Variants in RPS6KA3 observed in about 807,000 individuals in gnomAD.
RPS6KA3 encodes ribosomal protein S6 kinase alpha-3.
Under a neutral mutation model 67.2 loss-of-function variants are expected in RPS6KA3, and 4 were observed. The observed-to-expected ratio is 0.06, with a 90% CI of 0.03 to 0.14. The LOEUF is 0.14. Among genes scored for constraint, RPS6KA3 ranks in the 10% least tolerant of loss-of-function variants. RPS6KA3 has a pLI of 1.00. For synonymous variants in RPS6KA3, 182 were observed against 183.7 expected (o/e 0.99, Z 0.07); for missense variants, 204 against 559.0 (o/e 0.36, Z 6.40).
intron 1 of RPS6KA3, among the ~76,000 whole-genome samples, chrX:20,251,294 G>C (rs1285147747): frequency 8.9e-6 from 1 of 111,925 alleles, no homozygotes; most frequent in East Asian, 2.8e-4. Context: ...ACCATGCCTG[G>C]CTATTTATTT....
intron 15 of RPS6KA3, among the ~76,000 whole-genome samples, chrX:20,172,451 C>G (rs2067596349): frequency 9.0e-6 from 1 of 111,133 alleles, no homozygotes. Flanking sequence ...ACACCCTGAG[C>G]ATAAAATGGG....
chrX:20,222,400 C>T (rs1432038630), intron 2 of RPS6KA3, among the ~76,000 whole-genome samples: 1 of 111,908 alleles, frequency 8.9e-6, no homozygotes, highest in Non-Finnish European at 1.9e-5. Flanking sequence ...GACATTATTA[C>T]CTATCTCAAA....
intron 1 of RPS6KA3, among the ~76,000 whole-genome samples, chrX:20,244,075 A>C (rs943878491): frequency 8.9e-6 from 1 of 112,078 alleles, no homozygotes; most frequent in East Asian, 2.8e-4. Flanking sequence ...TAGCATAATA[A>C]ATAAGGACAA....
At chrX:20,241,583 A>G (rs1160734663) in intron 1 of RPS6KA3, 1 of 110,336 alleles carries the variant, frequency 9.1e-6, no homozygotes, top group East Asian at 2.8e-4. Flanking sequence ...CAGTTCTGAA[A>G]AAAAAATACC....
intron 1 of RPS6KA3, among the ~76,000 whole-genome samples, chrX:20,238,856 T>C (rs1196335191): frequency 9.0e-6 from 1 of 111,476 alleles, no homozygotes; most frequent in Non-Finnish European, 1.9e-5. Context: ...ATTCAAATGT[T>C]ATCTATTAGA....
chrX:20,239,238 C>T (rs1030016071), intron 1 of RPS6KA3, among the ~76,000 whole-genome samples: 12 of 110,883 alleles, frequency 1.1e-4, no homozygotes, highest in African/African-American at 3.9e-4. Context: ...AAGAGACAGT[C>T]TATGTTCAGT....
intron 1 of RPS6KA3, among the ~76,000 whole-genome samples, chrX:20,236,922 C>T (rs914983848): frequency 1.8e-5 from 2 of 111,472 alleles, no homozygotes; most frequent in African/African-American, 6.5e-5. Flanking sequence ...CTAACAACTG[C>T]GGCTCTGTCG....
intron 10 of RPS6KA3, among the ~76,000 whole-genome samples, chrX:20,183,611 T>C (rs1257986636): frequency 8.9e-6 from 1 of 112,296 alleles, no homozygotes; most frequent in East Asian, 2.8e-4. Flanking sequence ...TTCTTTTGCA[T>C]AGATCTACTT....
chrX:20,258,203 T>C (rs1211422426), intron 1 of RPS6KA3, among the ~76,000 whole-genome samples: 1 of 111,957 alleles, frequency 8.9e-6, no homozygotes, highest in East Asian at 2.8e-4. Context: ...AATTTAAAAG[T>C]TCACTTCCAC....
At position 20,224,946 on chromosome X, in the gene RPS6KA3, T is replaced by A. The variant is rs1173226244; in HGVS notation, c.126+9812A>T. Among the ~76,000 whole-genome samples, 45 of 111,739 alleles carry A rather than the reference T, an allele frequency of 4.0e-4. 1 individual carries two copies. In the Admixed American group the frequency reaches 4.3e-3, roughly 11 times the overall value. On this transcript the variant is annotated intron_variant, in intron 2 of 21. Coordinates refer to ENST00000379565, the MANE Select transcript of RPS6KA3 (RefSeq NM_004586.3). Reference sequence around the variant, plus strand: ...CACACATTTTTTTTCTTGCTTAGCCTGAAGTTCTTTTTACTTAGTCATGCT... The same window carrying A: ...CACACATTTTTTTTCTTGCTTAGCCAGAAGTTCTTTTTACTTAGTCATGCT...
chrX:20,204,260 A>C (rs1434975999), intron 3 of RPS6KA3, among the ~76,000 whole-genome samples, 157 bp from the exon 4 acceptor site: 1 of 112,348 alleles, frequency 8.9e-6, no homozygotes, highest in African/African-American at 3.2e-5. Flanking sequence ...AATACTAGTT[A>C]TAAACATTTG....
chrX:20,236,032 A>G (rs2148787008), intron 1 of RPS6KA3, among the ~76,000 whole-genome samples: 1 of 111,613 alleles, frequency 9.0e-6, no homozygotes, highest in African/African-American at 3.3e-5. Flanking sequence ...AGACAGTCAC[A>G]TGTAAGAAGT....
chrX:20,191,828 G>A lies in RPS6KA3; in HGVS notation c.593+1659C>T, dbSNP rs781625954. On this transcript the variant is annotated intron_variant, in intron 7 of 21. Transcript: ENST00000379565. ...GTCACCCAGGCTGGAGTGCAATGGC[G>A]CGATCTCAGCTCACTGCAACCTCCA... Among the ~76,000 whole-genome samples the A allele has an allele frequency of 3.2e-3, 355 of 110,397 alleles. 1 individual carries two copies. Among genetic ancestry groups the A allele is most frequent in the Non-Finnish European group, 5.4e-3 (288 of 52,853 alleles).
At position 20,191,630 on chromosome X, in the gene RPS6KA3, A is replaced by G. The variant is rs5955591; in HGVS notation, c.593+1857T>C. ...ATTTCTCTAATGACCAGGGATGATGAGCTTTTCTTTCATATGTTTGTTTGC... is the reference window on the plus strand; with the variant it reads ...ATTTCTCTAATGACCAGGGATGATGGGCTTTTCTTTCATATGTTTGTTTGC... On this transcript the variant is annotated intron_variant, in intron 7 of 21. Transcript: ENST00000379565. 5.0e-3 allele frequency among the ~76,000 whole-genome samples: 495 copies of G among 98,932 alleles called. 4 individuals are homozygous for G. The highest frequency in any genetic ancestry group is 0.021 in the African/African-American group (470 of 22,739). The allele number at this position is 98,932 out of a possible 115,157, so 85.9% of individuals were successfully genotyped here.
intron 3 of RPS6KA3, among the ~76,000 whole-genome samples, chrX:20,205,711 A>G (rs2068558094): frequency 8.9e-6 from 1 of 111,992 alleles, no homozygotes; most frequent in Admixed American, 9.5e-5. Context: ...GAGATTATTA[A>G]TATTTTTGAC....
In RPS6KA3 at chrX:20,155,359, A is replaced by G; in HGVS notation, c.*39T>C. ...ACCTGTCGCCAGAACTTGTGCTATCAGCTTACACCATGGTACCAAATATCT... is the reference window on the plus strand; with the variant it reads ...ACCTGTCGCCAGAACTTGTGCTATCGGCTTACACCATGGTACCAAATATCT... On this transcript the variant is annotated 3_prime_UTR_variant, in exon 22 of 22. Transcript: ENST00000379565. 1.7e-6 allele frequency: 2 copies of G among 1,208,077 alleles called. No individual in the cohort carries two copies. The highest frequency in any genetic ancestry group is 2.2e-6 in the Non-Finnish European group (2 of 892,537).
chrX:20,218,930 C>A, intron 2 of RPS6KA3: 4 of 718,902 alleles, frequency 5.6e-6, no homozygotes, highest in Non-Finnish European at 8.4e-6. Flanking sequence ...TTTTCTCCTA[C>A]CAGCTGTTCC....
intron 2 of RPS6KA3, among the ~76,000 whole-genome samples, chrX:20,217,279 A>G (rs1264319700): frequency 8.9e-6 from 1 of 112,341 alleles, no homozygotes; most frequent in Non-Finnish European, 1.9e-5. Context: ...TTCCTTTTCA[A>G]GTTGTGAGAG....
intron 10 of RPS6KA3, among the ~76,000 whole-genome samples, chrX:20,185,300 T>C (rs936200635): frequency 1.2e-4 from 14 of 112,185 alleles, no homozygotes; most frequent in Admixed American, 1.2e-3. Context: ...TTTTTGTTTA[T>C]TGACCTTGTA....
Sources: allele counts gnomAD v4.1 joint callset (sites outside exome capture counted in the v4.1 genomes callset), GRCh38; gene constraint gnomAD v4.1.1; transcripts MANE v1.5; gene names NCBI Gene and HGNC (gene_info 2026-07-23, HGNC 2026-07-21).